Variants in DDX10 observed in about 807,000 individuals in gnomAD.
The protein encoded by DDX10 is DEAD-box helicase 10, also known as probable ATP-dependent RNA helicase DDX10.
In DDX10, 74 loss-of-function variants were observed where a neutral mutation model predicts 104.3. That is an observed-to-expected ratio of 0.71 (90% CI 0.59 to 0.86). The LOEUF is 0.86. Ranked by LOEUF, DDX10 falls within the 40% of genes least tolerant of loss-of-function variation. DDX10 has a pLI of 0.00. For synonymous variants in DDX10, 351 were observed against 353.4 expected (o/e 0.99, Z 0.08); for missense variants, 952 against 1,040.0 (o/e 0.92, Z 1.16).
chr11:108,722,902 T>C, intron 12 of DDX10, 95 bp from the exon 13 acceptor site: 2 of 1,453,454 alleles, frequency 1.4e-6, no homozygotes, highest in East Asian at 4.9e-5. Context: ...TTAAAAAAGC[T>C]CTAGGAATCT....
chr11:108,895,562 A>C (rs1438283004), intron 16 of DDX10, among the ~76,000 whole-genome samples: 3 of 152,092 alleles, frequency 2.0e-5, no homozygotes, highest in Non-Finnish European at 4.4e-5. Flanking sequence ...GTCTTATAAA[A>C]TTAATACCTT....
intron 13 of DDX10, among the ~76,000 whole-genome samples, chr11:108,746,661 A>G (rs1181236336): frequency 1.3e-5 from 2 of 152,154 alleles, no homozygotes; most frequent in African/African-American, 4.8e-5. Context: ...GCACCATTTT[A>G]CATTTCCCAC....
At chr11:108,778,673 C>T (rs1339165273) in intron 13 of DDX10, among the ~76,000 whole-genome samples, 1 of 152,192 alleles carries the variant, frequency 6.6e-6, no homozygotes, top group Non-Finnish European at 1.5e-5. Context: ...GCAATGGCAA[C>T]AAATGCCAAA....
chr11:108,766,353 G>C (rs187484465), intron 13 of DDX10, among the ~76,000 whole-genome samples: 1 of 152,270 alleles, frequency 6.6e-6, no homozygotes, highest in East Asian at 1.9e-4. Context: ...GTCATCATGA[G>C]AATAAGGTAG....
chr11:108,685,313 C>T (rs1452937259), intron 6 of DDX10, among the ~76,000 whole-genome samples: 4 of 150,988 alleles, frequency 2.6e-5, no homozygotes, highest in Non-Finnish European at 5.9e-5. Flanking sequence ...GTCCGTCACC[C>T]CTTTCTTTGA....
In DDX10 at chr11:108,754,779, C is replaced by T. The variant is rs143496186; in HGVS notation, c.1965+31317C>T. On this transcript the variant is annotated intron_variant, in intron 13 of 17. Transcript: ENST00000322536. ...AGTTAGCCTGGGAAATCTATGAGAACGGAGAGCAAACCTTATTCACTATTC... is the reference window on the plus strand; with the variant it reads ...AGTTAGCCTGGGAAATCTATGAGAATGGAGAGCAAACCTTATTCACTATTC... Among the ~76,000 whole-genome samples, 413 of 152,058 alleles carry T rather than the reference C, an allele frequency of 2.7e-3. 1 individual carries two copies. Among genetic ancestry groups the T allele is most frequent in the African/African-American group, 8.0e-3 (334 of 41,516 alleles).
intron 9 of DDX10, among the ~76,000 whole-genome samples, chr11:108,693,919 C>T (rs937643942): frequency 5.9e-5 from 9 of 152,308 alleles, no homozygotes; most frequent in Non-Finnish European, 1.3e-4. Flanking sequence ...CACTTATCCT[C>T]AGGGGTTATG....
intron 12 of DDX10, among the ~76,000 whole-genome samples, chr11:108,720,729 T>TA (rs2094297263): frequency 6.6e-6 from 1 of 152,040 alleles, no homozygotes; most frequent in African/African-American, 2.4e-5. Flanking sequence ...TAGCTGGGAC[T>TA]ACAGGTGCAT....
chr11:108,753,385 T>G (rs1221193834), intron 13 of DDX10, among the ~76,000 whole-genome samples: 1 of 152,066 alleles, frequency 6.6e-6, no homozygotes, highest in African/African-American at 2.4e-5. Context: ...ATCTACAGAA[T>G]GCAGTCATCC....
chr11:108,924,170 T>TAA (rs1298168781), intron 17 of DDX10, among the ~76,000 whole-genome samples: 1 of 152,140 alleles, frequency 6.6e-6, no homozygotes, highest in Non-Finnish European at 1.5e-5. Context: ...ATTAAATTTT[T>TAA]AATATATATA....
intron 6 of DDX10, among the ~76,000 whole-genome samples, chr11:108,688,215 T>C (rs1197802394): frequency 6.6e-6 from 1 of 152,156 alleles, no homozygotes; most frequent in Non-Finnish European, 1.5e-5. Flanking sequence ...AAAACCAGAG[T>C]AATGTTGGAA....
At chr11:108,771,298 T>C (rs2094362788) in intron 13 of DDX10, among the ~76,000 whole-genome samples, 1 of 152,096 alleles carries the variant, frequency 6.6e-6, no homozygotes, top group Non-Finnish European at 1.5e-5. Context: ...TCTCATTCTG[T>C]GGGGGTGTCT....
intron 16 of DDX10, among the ~76,000 whole-genome samples, chr11:108,896,011 A>G (rs368310258): frequency 1.3e-5 from 2 of 152,224 alleles, no homozygotes; most frequent in South Asian, 2.1e-4. Flanking sequence ...GTTTGTATAC[A>G]TCGTGCCACC....
chr11:108,742,813 C>T (rs2094326886), intron 13 of DDX10, among the ~76,000 whole-genome samples: 1 of 152,084 alleles, frequency 6.6e-6, no homozygotes, highest in Non-Finnish European at 1.5e-5. Context: ...TTCCTGGAAA[C>T]ATACAACCTC....
intron 13 of DDX10, among the ~76,000 whole-genome samples, chr11:108,763,566 A>G (rs954997736): frequency 6.6e-6 from 1 of 152,152 alleles, no homozygotes; most frequent in Non-Finnish European, 1.5e-5. Context: ...CCAGTATTGA[A>G]TTTACTGGGC....
chr11:108,897,316 G>C (rs1390243340), intron 16 of DDX10, among the ~76,000 whole-genome samples: 2 of 152,130 alleles, frequency 1.3e-5, no homozygotes, highest in Non-Finnish European at 2.9e-5. Flanking sequence ...CCACACAAAG[G>C]CCTGACAACT....
intron 13 of DDX10, among the ~76,000 whole-genome samples, chr11:108,798,422 C>T (rs944158330): frequency 6.6e-6 from 1 of 152,172 alleles, no homozygotes; most frequent in Non-Finnish European, 1.5e-5. Flanking sequence ...CAACTCTATA[C>T]CTTTTAAACA....
At chr11:108,688,878 G>A in intron 6 of DDX10, 58 bp from the exon 7 acceptor site, 3 of 1,562,472 alleles carry the variant, frequency 1.9e-6, no homozygotes, top group Non-Finnish European at 8.7e-7. Context: ...TTTTTGGTCT[G>A]GATTTCAGTT....
At chr11:108,765,498 G>A (rs752565373) in intron 13 of DDX10, among the ~76,000 whole-genome samples, 5 of 152,104 alleles carry the variant, frequency 3.3e-5, no homozygotes, top group Non-Finnish European at 7.4e-5. Flanking sequence ...TTTAAGTTTG[G>A]CCCAGAAAAA....
Sources: allele counts gnomAD v4.1 joint callset (sites outside exome capture counted in the v4.1 genomes callset), GRCh38; gene constraint gnomAD v4.1.1; transcripts MANE v1.5; gene names NCBI Gene and HGNC (gene_info 2026-07-23, HGNC 2026-07-21).